Variants in FHIT observed in about 807,000 individuals in gnomAD.
FHIT encodes bis(5'-adenosyl)-triphosphatase.
A neutral mutation model predicts 17.9 loss-of-function variants in FHIT; 19 were observed. That is an observed-to-expected ratio of 1.06 (90% CI 0.74 to 1.56). The LOEUF is 1.56. Among genes scored for constraint, FHIT ranks in the 40% most tolerant of loss-of-function variants. The pLI is 0.00. For synonymous variants in FHIT, 81 were observed against 69.7 expected, an observed-to-expected ratio of 1.16 and a Z score of -0.81; for missense variants, 248 against 189.2, an observed-to-expected ratio of 1.31 and a Z score of -1.82.
intron 2 of FHIT, among the ~76,000 whole-genome samples, chr3:61,042,595 T>C (rs1211463253): frequency 2.0e-5 from 3 of 152,098 alleles, no homozygotes; most frequent in Non-Finnish European, 4.4e-5. Flanking sequence ...TCCCAGCATT[T>C]TGGGAAGCTG....
chr3:60,957,236 T>TC (rs1304214123), intron 3 of FHIT, among the ~76,000 whole-genome samples: 3 of 125,080 alleles, frequency 2.4e-5, no homozygotes, highest in African/African-American at 3.9e-5. Flanking sequence ...TTTCTTTCTT[T>TC]TTTTTTTTTT....
chr3:60,160,981 A>G (rs1312398763), intron 5 of FHIT, among the ~76,000 whole-genome samples: 1 of 152,212 alleles, frequency 6.6e-6, no homozygotes, highest in Non-Finnish European at 1.5e-5. Flanking sequence ...TATGCAATCC[A>G]TATTCTTACA....
intron 8 of FHIT, among the ~76,000 whole-genome samples, chr3:59,877,887 C>G (rs1703235681): frequency 6.6e-6 from 1 of 152,154 alleles, no homozygotes; most frequent in Non-Finnish European, 1.5e-5. Flanking sequence ...AATGGTGAGT[C>G]AGATGAGAAA....
chr3:60,324,821 C>T (rs1305569627), intron 5 of FHIT, among the ~76,000 whole-genome samples: 2 of 152,006 alleles, frequency 1.3e-5, no homozygotes, highest in Admixed American at 1.3e-4. Flanking sequence ...TGATGATATA[C>T]CTTGGTGTAC....
intron 5 of FHIT, among the ~76,000 whole-genome samples, chr3:60,109,947 G>T (rs1576119801): frequency 6.6e-6 from 1 of 152,106 alleles, no homozygotes; most frequent in Admixed American, 6.6e-5. Context: ...TCAGCTGAGT[G>T]CTTTGATACT....
At chr3:60,341,398 C>T (rs1031263993) in intron 5 of FHIT, among the ~76,000 whole-genome samples, 2 of 152,042 alleles carry the variant, frequency 1.3e-5, no homozygotes, top group Admixed American at 6.6e-5. Flanking sequence ...CATTTAAAAC[C>T]CATAGATACA....
chr3:60,158,770 T>C (rs1479658820), intron 5 of FHIT, among the ~76,000 whole-genome samples: 1 of 152,126 alleles, frequency 6.6e-6, no homozygotes, highest in African/African-American at 2.4e-5. Context: ...ATGTGAGATA[T>C]CCAATCATAA....
chr3:60,824,315 T>G (rs1553740270), intron 3 of FHIT, among the ~76,000 whole-genome samples: 1 of 152,162 alleles, frequency 6.6e-6, no homozygotes. Context: ...AGATTGCAGG[T>G]AGAGATACGC....
intron 7 of FHIT, among the ~76,000 whole-genome samples, chr3:59,938,545 T>C (rs1706355048): frequency 6.6e-6 from 1 of 152,124 alleles, no homozygotes; most frequent in Non-Finnish European, 1.5e-5. Context: ...GAGTATACTT[T>C]AGTTGCCCTT....
intron 5 of FHIT, among the ~76,000 whole-genome samples, chr3:60,410,176 G>A (rs7634421): frequency 2.7e-3 from 413 of 152,300 alleles, no homozygotes; most frequent in African/African-American, 9.6e-3. Context: ...CTAGAGAGAG[G>A]CAAGGAGGTA....
intron 4 of FHIT, among the ~76,000 whole-genome samples, chr3:60,728,268 T>C (rs2041957912): frequency 6.6e-6 from 1 of 152,234 alleles, no homozygotes. Context: ...CTTTATCTTC[T>C]ACTCCAATAA....
intron 8 of FHIT, among the ~76,000 whole-genome samples, chr3:59,833,147 G>C (rs570490687): frequency 1.3e-5 from 2 of 152,230 alleles, no homozygotes; most frequent in Non-Finnish European, 2.9e-5. Context: ...CATTGTAATT[G>C]AATAAGCCTG....
chr3:60,512,540 G>T (rs1034769188), intron 5 of FHIT, among the ~76,000 whole-genome samples: 1 of 152,112 alleles, frequency 6.6e-6, no homozygotes, highest in Non-Finnish European at 1.5e-5. Context: ...ATGGTGAACT[G>T]CATTATCACC....
chr3:60,627,268 G>A (rs552888907), intron 4 of FHIT, among the ~76,000 whole-genome samples: 2 of 152,096 alleles, frequency 1.3e-5, no homozygotes, highest in African/African-American at 2.4e-5. Context: ...GGTAGAATTG[G>A]CCAGTGAAGT....
rs1700864649 is a variant in FHIT, at chr3:60,028,885, A to G, written c.104-14733T>C. On this transcript the variant is annotated intron_variant, in intron 5 of 9. Coordinates refer to ENST00000492590, the MANE Select transcript of FHIT (RefSeq NM_002012.4). ...ATTTTAAAAAACGTCCTATTTCATG[A>G]CATTGAAAACACAAAGGATGAAATA... is the stretch of plus-strand genomic sequence containing the variant. Among the ~76,000 whole-genome samples, 4 of 152,318 alleles carry G rather than the reference A, an allele frequency of 2.6e-5. No individual in the cohort carries two copies. In the South Asian group the frequency reaches 8.3e-4, roughly 32 times the overall value.
At chr3:60,463,606 G>T (rs1576699477) in intron 5 of FHIT, among the ~76,000 whole-genome samples, 1 of 152,192 alleles carries the variant, frequency 6.6e-6, no homozygotes, top group Non-Finnish European at 1.5e-5. Flanking sequence ...GGGAAAGGAA[G>T]GGGACGTGTA....
chr3:59,785,363 G>A (rs1278562678), intron 8 of FHIT, among the ~76,000 whole-genome samples: 1 of 148,912 alleles, frequency 6.7e-6, no homozygotes, highest in Non-Finnish European at 1.5e-5. Flanking sequence ...AGGCTGGAGT[G>A]CAGTGGCACG....
intron 3 of FHIT, among the ~76,000 whole-genome samples, chr3:61,036,050 A>C (rs1031545042): frequency 7.2e-5 from 11 of 152,314 alleles, no homozygotes; most frequent in East Asian, 1.9e-4. Flanking sequence ...GAGACTGGGT[A>C]ATTTATAAAG....
chr3:61,136,373 C>G (rs2036916622), intron 2 of FHIT, among the ~76,000 whole-genome samples: 1 of 152,122 alleles, frequency 6.6e-6, no homozygotes, highest in Non-Finnish European at 1.5e-5. Context: ...TAACTTGGCT[C>G]AAAAACTTGA....
Sources: allele counts gnomAD v4.1 joint callset (sites outside exome capture counted in the v4.1 genomes callset), GRCh38; gene constraint gnomAD v4.1.1; transcripts MANE v1.5; gene names NCBI Gene and HGNC (gene_info 2026-07-23, HGNC 2026-07-21).